The following CCSER1 variants were observed in gnomAD, a reference collection of about 807,000 sequenced individuals.
CCSER1 encodes serine-rich coiled-coil domain-containing protein 1.
A neutral mutation model predicts 82.0 loss-of-function variants in CCSER1; 41 were observed. That is an observed-to-expected ratio of 0.50 (90% CI 0.39 to 0.65). CCSER1 has a LOEUF of 0.65. Among genes scored for constraint, CCSER1 ranks in the 30% least tolerant of loss-of-function variants. The pLI, the probability that CCSER1 is intolerant of heterozygous loss-of-function variation, is 0.00. For missense variants in CCSER1, 1,119 were observed against 1,064.2 expected (o/e 1.05, Z -0.72); for synonymous variants, 414 against 383.9 (o/e 1.08, Z -0.92).
At chr4:91,564,033 T>G (rs1186265465) in intron 10 of CCSER1, among the ~76,000 whole-genome samples, 3 of 151,924 alleles carry the variant, frequency 2.0e-5, no homozygotes, top group East Asian at 3.9e-4. Context: ...CTCCTTTCCC[T>G]ACTCCCAGCC....
intron 10 of CCSER1, among the ~76,000 whole-genome samples, chr4:91,434,202 T>G (rs1341875877): frequency 6.6e-6 from 1 of 152,270 alleles, no homozygotes; most frequent in African/African-American, 2.4e-5. Context: ...TGTTTGTTTT[T>G]TTTTTGTTTA....
At chr4:90,548,306 G>A (rs1777029739) in intron 5 of CCSER1, among the ~76,000 whole-genome samples, 1 of 152,068 alleles carries the variant, frequency 6.6e-6, no homozygotes, top group African/African-American at 2.4e-5. Context: ...ATCCCAATCA[G>A]CCCTTTAAAG....
intron 10 of CCSER1, among the ~76,000 whole-genome samples, chr4:91,578,567 G>C (rs544937879): frequency 6.6e-6 from 1 of 151,874 alleles, no homozygotes. Context: ...TGAGGAAATT[G>C]ATGGCTAGAA....
At chr4:90,965,674 GCAA>G (rs1734494632) in intron 9 of CCSER1, among the ~76,000 whole-genome samples, 1 of 151,938 alleles carries the variant, frequency 6.6e-6, no homozygotes, top group South Asian at 2.1e-4. Flanking sequence ...TCAATGAACT[GCAA>G]CAACAAGCCA....
At chr4:91,285,155 C>G (rs1329348273) in intron 10 of CCSER1, among the ~76,000 whole-genome samples, 2 of 151,304 alleles carry the variant, frequency 1.3e-5, no homozygotes, top group African/African-American at 4.9e-5. Context: ...GTCTACATTT[C>G]TAATGTACAC....
chr4:90,245,474 CATT>C (rs1721259323), intron 1 of CCSER1, among the ~76,000 whole-genome samples: 2 of 152,238 alleles, frequency 1.3e-5, no homozygotes, highest in Non-Finnish European at 1.5e-5. Context: ...AGGAAAAAGA[CATT>C]ATTGTTGGGT....
chr4:90,831,797 T>C (rs1761141744), intron 8 of CCSER1, among the ~76,000 whole-genome samples: 1 of 152,170 alleles, frequency 6.6e-6, no homozygotes, highest in Non-Finnish European at 1.5e-5. Flanking sequence ...TTTTGAAAAC[T>C]TTTTAAATGA....
At chr4:90,883,317 C>T (rs1443562002) in intron 8 of CCSER1, among the ~76,000 whole-genome samples, 3 of 151,882 alleles carry the variant, frequency 2.0e-5, no homozygotes, top group Admixed American at 6.6e-5. Flanking sequence ...TGAAATGGCC[C>T]ACAAAACTTT....
intron 10 of CCSER1, among the ~76,000 whole-genome samples, chr4:91,174,008 T>C (rs985033020): frequency 1.3e-5 from 2 of 152,180 alleles, no homozygotes; most frequent in Admixed American, 1.3e-4. Context: ...CACATATCTA[T>C]TGAAGATAAA....
intron 10 of CCSER1, among the ~76,000 whole-genome samples, chr4:91,394,870 A>G (rs1751872708): frequency 6.6e-6 from 1 of 151,850 alleles, no homozygotes; most frequent in African/African-American, 2.4e-5. Flanking sequence ...TTTGAAAATT[A>G]AACTCTGATG....
At position 91,435,103 on chromosome 4, in the gene CCSER1, A is replaced by G. The variant is rs76459834; in HGVS notation, c.2218-163469A>G. On this transcript the variant is annotated intron_variant, in intron 10 of 10. Coordinates refer to ENST00000509176, the MANE Select transcript of CCSER1 (RefSeq NM_001145065.2). ...CAGCTGCACATTTTCTTGTTAGTGC[A>G]ACAATGCTTATCTAACACTTTCCAT... 5.9e-5 allele frequency among the ~76,000 whole-genome samples: 9 copies of G among 152,296 alleles called. 1 individual carries two copies. Among genetic ancestry groups the G allele is most frequent in the African/African-American group, 2.2e-4 (9 of 41,560 alleles).
In CCSER1 at chr4:90,780,781, A is replaced by C. The variant is rs1299813294; in HGVS notation, c.2011-34981A>C. 6.0e-6 allele frequency: 7 copies of C among 1,163,456 alleles called. No individual in the cohort carries two copies. In the African/African-American group the frequency reaches 1.1e-4, roughly 19 times the overall value. 72.1% of individuals were successfully genotyped at this position (1,163,456 alleles called of 1,614,324 possible). ...TGTAAAGGTAAACTAAATTGACTAA[A>C]GTATCAATATTTCCATATATGCGTG... On this transcript the variant is annotated intron_variant, in intron 7 of 10. Transcript: ENST00000509176.
chr4:91,292,236 A>AC (rs1373214211), intron 10 of CCSER1, among the ~76,000 whole-genome samples: 1 of 151,984 alleles, frequency 6.6e-6, no homozygotes, highest in Non-Finnish European at 1.5e-5. Context: ...GTACAACTGA[A>AC]AGATTCCCTT....
chr4:90,855,777 A>G (rs1561254805), intron 8 of CCSER1, among the ~76,000 whole-genome samples: 25 of 152,150 alleles, frequency 1.6e-4, no homozygotes, highest in Non-Finnish European at 1.5e-5. Context: ...ATTATTTGAA[A>G]TCACTTCATA....
intron 10 of CCSER1, among the ~76,000 whole-genome samples, chr4:91,490,886 A>T (rs1324014885): frequency 2.5e-4 from 9 of 35,964 alleles, no homozygotes; most frequent in Non-Finnish European, 5.2e-4. Flanking sequence ...ATATATATAT[A>T]TATATATATA....
chr4:91,507,475 C>T (rs1022783617), intron 10 of CCSER1, among the ~76,000 whole-genome samples: 6 of 151,940 alleles, frequency 3.9e-5, no homozygotes, highest in Non-Finnish European at 7.4e-5. Flanking sequence ...GTTGCCCTGG[C>T]TGGAGTGCAG....
chr4:90,692,237 A>T (rs976287915), intron 6 of CCSER1, among the ~76,000 whole-genome samples: 1 of 151,812 alleles, frequency 6.6e-6, no homozygotes, highest in Non-Finnish European at 1.5e-5. Context: ...CCCGTTCAAT[A>T]GCTGGTCTGT....
At chr4:90,288,669 C>A (rs984677436) in intron 1 of CCSER1, among the ~76,000 whole-genome samples, 2 of 151,912 alleles carry the variant, frequency 1.3e-5, no homozygotes, top group African/African-American at 2.4e-5. Context: ...GTAAAGGACA[C>A]CCCTGCCCTA....
At chr4:90,160,384 T>A (rs1010272583) in intron 1 of CCSER1, among the ~76,000 whole-genome samples, 4 of 152,102 alleles carry the variant, frequency 2.6e-5, no homozygotes, top group African/African-American at 9.7e-5. Flanking sequence ...GAAGAGAAGA[T>A]GACTACAGTC....
Sources: gnomAD v4.1 joint callset for allele counts (sites outside exome capture counted in the v4.1 genomes callset) on GRCh38, gnomAD v4.1.1 for gene constraint, MANE v1.5 for transcripts, NCBI Gene and HGNC (gene_info 2026-07-23, HGNC 2026-07-21) for gene names.